Variants in TNKS observed in about 807,000 individuals in gnomAD.
The protein encoded by TNKS is tankyrase.
Under a neutral mutation model 135.8 loss-of-function variants are expected in TNKS, and 72 were observed. The ratio of observed to expected loss-of-function variants is 0.53; its 90% CI spans 0.44 to 0.64. TNKS has a LOEUF of 0.64. TNKS is among the 30% of genes least tolerant of loss of function. TNKS has a pLI of 0.00. For missense variants in TNKS, 1,769 were observed against 1,674.0 expected, an observed-to-expected ratio of 1.06 and a Z score of -0.99; for synonymous variants, 849 against 649.3, an observed-to-expected ratio of 1.31 and a Z score of -4.68.
chr8:9,680,128 C>T (rs1802722950), intron 4 of TNKS, 141 bp downstream of exon 4: 2 of 577,854 alleles, frequency 3.5e-6, no homozygotes, highest in Non-Finnish European at 6.2e-6. Context: ...TCTTTATGTA[C>T]TTTATATCAT....
intron 21 of TNKS, among the ~76,000 whole-genome samples, chr8:9,762,886 C>G (rs1000027447): frequency 2.1e-5 from 3 of 143,072 alleles, no homozygotes; most frequent in Admixed American, 7.2e-5. Context: ...GCCTGGGCGA[C>G]AGAGCGAGGC....
At chr8:9,632,824 G>A (rs1206643648) in intron 3 of TNKS, among the ~76,000 whole-genome samples, 2 of 152,120 alleles carry the variant, frequency 1.3e-5, no homozygotes, top group Non-Finnish European at 2.9e-5. Flanking sequence ...CCGCCTCCCG[G>A]GTTCATACCA....
chr8:9,591,384 A>G (rs1443679095), intron 2 of TNKS, among the ~76,000 whole-genome samples: 1 of 152,172 alleles, frequency 6.6e-6, no homozygotes, highest in Non-Finnish European at 1.5e-5. Context: ...TAGCTGTTAT[A>G]ACGCTGGATG....
chr8:9,720,715 G>T (rs1053163142), intron 12 of TNKS, among the ~76,000 whole-genome samples, 170 bp downstream of exon 12: 1 of 152,178 alleles, frequency 6.6e-6, no homozygotes, highest in Non-Finnish European at 1.5e-5. Flanking sequence ...TAAGGTAGGT[G>T]TCATGGGAAG....
chr8:9,581,608 A>T (rs1185869994), intron 2 of TNKS, among the ~76,000 whole-genome samples: 2 of 152,244 alleles, frequency 1.3e-5, no homozygotes, highest in East Asian at 1.9e-4. Flanking sequence ...GTAGTCTTCT[A>T]GGCTTTCATC....
At chr8:9,649,504 G>T (rs568851275) in intron 3 of TNKS, among the ~76,000 whole-genome samples, 3 of 152,122 alleles carry the variant, frequency 2.0e-5, no homozygotes, top group Non-Finnish European at 2.9e-5. Flanking sequence ...GTTTTTGGGG[G>T]ACAGGTGGTG....
At chr8:9,732,546 C>G (rs548747694) in intron 14 of TNKS, among the ~76,000 whole-genome samples, 2 of 147,702 alleles carry the variant, frequency 1.4e-5, no homozygotes, top group African/African-American at 2.5e-5. Context: ...TTCTATTGCT[C>G]ATTTTAACAG....
rs1808368747 is a variant in TNKS at position 9,779,378 on chromosome 8, C to A, written c.*2642C>A. On this transcript the variant is annotated 3_prime_UTR_variant, in exon 27 of 27. Transcript: ENST00000310430. ...GAAATACTAGCAAGTTAGGATCATC[C>A]AATATGGCCTACCCCGAAATGGCCC... 6.6e-6 allele frequency: 1 copy of A among 152,216 alleles called. No individual in the cohort carries two copies. The highest frequency in any genetic ancestry group is 2.4e-5 in the African/African-American group (1 of 41,384). The allele number at this position is 152,216 out of a possible 1,614,324, so 9.4% of individuals were successfully genotyped here. A position where few individuals can be genotyped will look rare whatever the true frequency, so the allele number is the denominator to read the frequency against.
chr8:9,560,493 C>CTTT lies in TNKS; in HGVS notation c.673+3909_673+3911dup, dbSNP rs535715245. On this transcript the variant is annotated intron_variant, in intron 1 of 26. Transcript: ENST00000310430. ...GATTTTTCAGCATGGCCATACTTGT[C>CTTT]TTTTTTTTTTTTTTTTTTTTTTTTT... Among the ~76,000 whole-genome samples, 75 of 42,312 alleles carry CTTT rather than the reference C, an allele frequency of 1.8e-3. 7 individuals are homozygous for CTTT. Among genetic ancestry groups the CTTT allele is most frequent in the East Asian group, 2.9e-3 (5 of 1,710 alleles). The allele number at this position is 42,312 out of a possible 152,430, so 27.8% of individuals were successfully genotyped here.
intron 11 of TNKS, among the ~76,000 whole-genome samples, chr8:9,713,528 A>G (rs1188424693): frequency 1.3e-5 from 2 of 152,172 alleles, no homozygotes; most frequent in Non-Finnish European, 2.9e-5. Flanking sequence ...CATCAGTAAC[A>G]TCTTAGTTCA....
intron 3 of TNKS, among the ~76,000 whole-genome samples, chr8:9,666,782 C>G (rs958825388): frequency 1.3e-5 from 2 of 151,746 alleles, no homozygotes; most frequent in Admixed American, 6.6e-5. Context: ...GTACAAATGT[C>G]CCTGCACATC....
At chr8:9,772,373 A>ATACTC (rs1236106914) in intron 26 of TNKS, 1 of 455,434 alleles carries the variant, frequency 2.2e-6, no homozygotes, top group East Asian at 6.9e-5. Flanking sequence ...CTCTAGGTGG[A>ATACTC]TACTCTAAAG....
intron 3 of TNKS, among the ~76,000 whole-genome samples, chr8:9,624,851 T>G (rs1040460239): frequency 6.6e-6 from 1 of 152,160 alleles, no homozygotes; most frequent in African/African-American, 2.4e-5. Context: ...TATCCTCCCG[T>G]ATACTTTAAA....
chr8:9,568,575 A>T (rs1470724304), intron 1 of TNKS, among the ~76,000 whole-genome samples: 1 of 152,226 alleles, frequency 6.6e-6, no homozygotes, highest in African/African-American at 2.4e-5. Flanking sequence ...AATGAAAAGA[A>T]GCTATTTTCT....
At chr8:9,746,860 A>G (rs1389398246) in intron 17 of TNKS, among the ~76,000 whole-genome samples, 2 of 144,746 alleles carry the variant, frequency 1.4e-5, no homozygotes, top group East Asian at 4.0e-4. Context: ...GCCTTATCTG[A>G]GAGTTTCATA....
At position 9,776,675 on chromosome 8, in the gene TNKS, A is replaced by T; in HGVS notation, c.3923A>T (p.Tyr1308Phe). ...GCATACCCAGAGTATCTTATCACTT[A>T]CCAGATCATGAAGCCAGAAGCCCCT... is the stretch of plus-strand genomic sequence containing the variant. ...EQAYPEYLIT[Y>F]QIMKPEAPSQ... Residue 1308 changes from tyrosine (Y) to phenylalanine (F), a missense_variant, in exon 27 of 27, where the codon TAC becomes TTC. Coordinates refer to ENST00000310430, the MANE Select transcript of TNKS (RefSeq NM_003747.3). 6.2e-7 allele frequency: 1 copy of T among 1,613,952 alleles called. No individual in the cohort carries two copies. The highest frequency in any genetic ancestry group is 8.5e-7 in the Non-Finnish European group (1 of 1,179,916).
intron 17 of TNKS, among the ~76,000 whole-genome samples, chr8:9,741,475 G>A (rs907957174): frequency 1.3e-5 from 2 of 152,014 alleles, no homozygotes; most frequent in African/African-American, 4.8e-5. Flanking sequence ...TAGCAGTCAC[G>A]GAGGATAAGG....
At chr8:9,670,034 C>G (rs1802200424) in intron 3 of TNKS, 1 of 152,112 alleles carries the variant, frequency 6.6e-6, no homozygotes, top group Non-Finnish European at 1.5e-5. Context: ...AATTAACCGT[C>G]TCTTATTATA....
intron 1 of TNKS, among the ~76,000 whole-genome samples, chr8:9,574,505 C>G (rs1214983221): frequency 6.6e-6 from 1 of 152,200 alleles, no homozygotes; most frequent in African/African-American, 2.4e-5. Context: ...CTTCACTTGT[C>G]TGTTTTTCAC....
Sources: allele counts gnomAD v4.1 joint callset (sites outside exome capture counted in the v4.1 genomes callset), GRCh38; gene constraint gnomAD v4.1.1; transcripts MANE v1.5; gene names NCBI Gene and HGNC (gene_info 2026-07-23, HGNC 2026-07-21).